The following HMGA1 variants were observed in gnomAD, a reference collection of about 807,000 sequenced individuals.
HMGA1 encodes high mobility group AT-hook 1.
In HMGA1, 1 loss-of-function variant was observed where a neutral mutation model predicts 15.1. The ratio of observed to expected loss-of-function variants is 0.07; its 90% CI spans 0.02 to 0.31. The LOEUF (loss-of-function observed/expected upper bound fraction) is 0.31, where lower values mean the gene tolerates loss of function less well. HMGA1 is among the 10% of genes least tolerant of loss of function. The pLI is 1.00. For missense variants in HMGA1, 94 were observed against 141.4 expected, an observed-to-expected ratio of 0.66 and a Z score of 1.70; for synonymous variants, 56 against 54.8, an observed-to-expected ratio of 1.02 and a Z score of -0.10.
At chr6:34,242,680 A>G (rs1028709257) in intron 3 of HMGA1, 32 bp from the exon 4 acceptor site, 1 of 1,464,660 alleles carries the variant, frequency 6.8e-7, no homozygotes, top group Non-Finnish European at 9.4e-7. Flanking sequence ...ACAGGTGATG[A>G]CTGTCCCTGA....
intron 2 of HMGA1, 196 bp from the exon 3 acceptor site, chr6:34,240,541 G>C (rs554857156): frequency 7.5e-6 from 4 of 534,758 alleles, no homozygotes; most frequent in Non-Finnish European, 1.3e-5. Context: ...ATAAGAAGCT[G>C]ATTAGGGCCA....
At chr6:34,243,637 C>T (rs769690686) in intron 5 of HMGA1, 119 bp downstream of exon 5, 12 of 869,944 alleles carry the variant, frequency 1.4e-5, no homozygotes, top group African/African-American at 3.3e-5. Flanking sequence ...CCTGCTGGGA[C>T]ATCAGATTTT....
At chr6:34,238,515 G>A (rs1239845602) in intron 2 of HMGA1, among the ~76,000 whole-genome samples, 1 of 152,194 alleles carries the variant, frequency 6.6e-6, no homozygotes, top group African/African-American at 2.4e-5. Context: ...AAGAAAACAA[G>A]GGAACCCCCA....
At position 34,245,196 on chromosome 6, in the gene HMGA1, C is replaced by T. The variant is rs1161566143; in HGVS notation, c.*312C>T. On this transcript the variant is annotated 3_prime_UTR_variant, in exon 6 of 6. Transcript: ENST00000311487. ...CCCACTTAGCCGCACCCTGCACCTG[C>T]TGCGTCCCCACTCCCTTGGTGGTGG... 7.0e-7 allele frequency: 1 copy of T among 1,419,326 alleles called. No individual in the cohort carries two copies. Among genetic ancestry groups the T allele is most frequent in the Non-Finnish European group, 9.3e-7 (1 of 1,072,124 alleles). 87.9% of individuals were successfully genotyped at this position (1,419,326 alleles called of 1,614,324 possible).
chr6:34,238,250 CCCCTCCCCCCGCGCG>C (rs1333913541), intron 2 of HMGA1, among the ~76,000 whole-genome samples: 1 of 152,012 alleles, frequency 6.6e-6, no homozygotes, highest in Non-Finnish European at 1.5e-5. Flanking sequence ...GCGGCCTGCG[CCCCTCCCCCCGCGCG>C]CCCTGGCCCC....
Position 34,245,779 on chromosome 6 carries a change from C to A in HMGA1, c.*895C>A. ...AACAAGGAGCTCACCCTGCCCGCTC[C>A]CAACCCCCCTCCTGCTCCTCCCTGC... On this transcript the variant is annotated 3_prime_UTR_variant, in exon 6 of 6. Transcript: ENST00000311487. 1 of 447,078 alleles carries A rather than the reference C, an allele frequency of 2.2e-6. No individual in the cohort carries two copies. The allele number at this position is 447,078 out of a possible 1,614,324, so 27.7% of individuals were successfully genotyped here. A position where few individuals can be genotyped will look rare whatever the true frequency, so the allele number is the denominator to read the frequency against.
chr6:34,244,179 G>C (rs1473101599), intron 5 of HMGA1, among the ~76,000 whole-genome samples: 1 of 151,956 alleles, frequency 6.6e-6, no homozygotes, highest in Non-Finnish European at 1.5e-5. Context: ...TGGGGTGGGG[G>C]GGTTAGGGGG....
intron 5 of HMGA1, among the ~76,000 whole-genome samples, 154 bp from the exon 6 acceptor site, chr6:34,244,677 G>A (rs1304776188): frequency 2.0e-5 from 3 of 152,038 alleles, no homozygotes; most frequent in Admixed American, 6.5e-5. Flanking sequence ...GAATGAAGCC[G>A]GGCCGTGGAG....
At chr6:34,241,575 C>G (rs1762313253) in intron 3 of HMGA1, among the ~76,000 whole-genome samples, 1 of 152,216 alleles carries the variant, frequency 6.6e-6, no homozygotes, top group South Asian at 2.1e-4. Flanking sequence ...GCTGCTCTCC[C>G]CACAAAGTCC....
intron 3 of HMGA1, among the ~76,000 whole-genome samples, chr6:34,241,468 T>C (rs1762303540): frequency 6.6e-6 from 1 of 152,260 alleles, no homozygotes; most frequent in South Asian, 2.1e-4. Flanking sequence ...TGAGTAGTTC[T>C]GGAATGGGCA....
At position 34,245,468 on chromosome 6, in the gene HMGA1, T is replaced by C. The variant is rs1262627439; in HGVS notation, c.*584T>C. The stretch of plus-strand genomic sequence containing the variant: ...GTCACCACGTGGGGCTCACTTTTCA[T>C]CCTTCCCCAACTTCCCTAGTCCCCG... On this transcript the variant is annotated 3_prime_UTR_variant, in exon 6 of 6. Coordinates refer to ENST00000311487, the MANE Select transcript of HMGA1 (RefSeq NM_145899.3). The C allele has an allele frequency of 7.3e-7, 1 of 1,378,346 alleles. No individual in the cohort carries two copies. Among genetic ancestry groups the C allele is most frequent in the South Asian group, 1.2e-5 (1 of 81,688 alleles). 85.4% of individuals were successfully genotyped at this position (1,378,346 alleles called of 1,614,324 possible). A position where few individuals can be genotyped will look rare whatever the true frequency, so the allele number is the denominator to read the frequency against.
chr6:34,244,715 C>T (rs1383664023), intron 5 of HMGA1, 116 bp from the exon 6 acceptor site: 1 of 833,176 alleles, frequency 1.2e-6, no homozygotes, highest in Non-Finnish European at 2.0e-6. Context: ...ACACTCAGCC[C>T]TGACTCATCC....
At position 34,245,243 on chromosome 6, in the gene HMGA1, T is replaced by C; in HGVS notation, c.*359T>C. 2 of 1,382,640 alleles carry C rather than the reference T, an allele frequency of 1.4e-6. No homozygotes were observed. The highest frequency in any genetic ancestry group is 1.9e-6 in the Non-Finnish European group (2 of 1,047,566). The allele number at this position is 1,382,640 out of a possible 1,614,324, so 85.6% of individuals were successfully genotyped here. Reference sequence around the variant, plus strand: ...GTGGGGACATTGCTCTCTGGGCTTTTGGTTTGGGGGCGCCCTCTCTGCTCC... The same window carrying C: ...GTGGGGACATTGCTCTCTGGGCTTTCGGTTTGGGGGCGCCCTCTCTGCTCC... On this transcript the variant is annotated 3_prime_UTR_variant, in exon 6 of 6. Coordinates refer to ENST00000311487, the MANE Select transcript of HMGA1 (RefSeq NM_145899.3).
chr6:34,237,651 C>T (rs1581787255), intron 2 of HMGA1, among the ~76,000 whole-genome samples: 1 of 146,580 alleles, frequency 6.8e-6, no homozygotes, highest in African/African-American at 2.5e-5. Flanking sequence ...CGGAGGAGCC[C>T]GGCGCACCTC....
chr6:34,242,802 C>T lies in HMGA1; in HGVS notation c.219+7C>T. On this transcript the variant is annotated splice_region_variant and intron_variant, in intron 4 of 5. Coordinates refer to ENST00000311487, the MANE Select transcript of HMGA1 (RefSeq NM_145899.3). Reference sequence around the variant, plus strand: ...GGGTGCTGCCAAGACCCGGGTGAGACTTGAGATGGGACTACCCCTGGGTGG... The same window carrying T: ...GGGTGCTGCCAAGACCCGGGTGAGATTTGAGATGGGACTACCCCTGGGTGG... The T allele has an allele frequency of 2.5e-6, 4 of 1,574,818 alleles. No individual in the cohort carries two copies. Among genetic ancestry groups the T allele is most frequent in the South Asian group, 1.2e-5 (1 of 86,630 alleles).
At chr6:34,237,699 C>T (rs1224421892) in intron 2 of HMGA1, among the ~76,000 whole-genome samples, 3 of 150,720 alleles carry the variant, frequency 2.0e-5, no homozygotes, top group African/African-American at 7.3e-5. Flanking sequence ...GAGCCCGAGC[C>T]CGAGCCCGGG....
rs890481557 is a variant in HMGA1, at chr6:34,236,903, C to T, written c.-219C>T. ...TAAGCTCCCCTGAGCCGGTGCTGCG[C>T]TCCTCTAATTGGGACTCCGAGCCGG... On this transcript the variant is annotated 5_prime_UTR_variant, in exon 1 of 6. Coordinates refer to ENST00000311487, the MANE Select transcript of HMGA1 (RefSeq NM_145899.3). 1 of 152,562 alleles carries T rather than the reference C, an allele frequency of 6.6e-6. No homozygotes were observed. The highest frequency in any genetic ancestry group is 1.5e-5 in the Non-Finnish European group (1 of 68,044). The allele number at this position is 152,562 out of a possible 1,614,324, so 9.5% of individuals were successfully genotyped here. A position where few individuals can be genotyped will look rare whatever the true frequency, so the allele number is the denominator to read the frequency against.
At position 34,245,756 on chromosome 6, in the gene HMGA1, CAA is replaced by C. The variant is rs1036709872; in HGVS notation, c.*873_*874del. 7.7e-6 allele frequency: 4 copies of C among 517,600 alleles called. No homozygotes were observed. The Admixed American group carries it at 1.5e-4, about 19-fold the overall frequency. The allele number at this position is 517,600 out of a possible 1,614,324, so 32.1% of individuals were successfully genotyped here. ...CCCTCCTCAGATGGGGCACCAATAA[CAA>C]GGAGCTCACCCTGCCCGCTCCCAAC... On this transcript the variant is annotated 3_prime_UTR_variant, in exon 6 of 6. Transcript: ENST00000311487.
rs73419174 is a variant in HMGA1 at position 34,245,775 on chromosome 6, G to A, written c.*891G>A. 5.4e-3 allele frequency: 2,441 copies of A among 451,756 alleles called. 38 individuals carry two copies. The highest frequency in any genetic ancestry group is 0.033 in the East Asian group (713 of 21,536). 28.0% of individuals were successfully genotyped at this position (451,756 alleles called of 1,614,324 possible). On this transcript the variant is annotated 3_prime_UTR_variant, in exon 6 of 6. Transcript: ENST00000311487. ...CAATAACAAGGAGCTCACCCTGCCCGCTCCCAACCCCCCTCCTGCTCCTCC... is the reference window on the plus strand; with the variant it reads ...CAATAACAAGGAGCTCACCCTGCCCACTCCCAACCCCCCTCCTGCTCCTCC...
Sources: gnomAD v4.1 joint callset for allele counts (sites outside exome capture counted in the v4.1 genomes callset) on GRCh38, gnomAD v4.1.1 for gene constraint, MANE v1.5 for transcripts, NCBI Gene and HGNC (gene_info 2026-07-23, HGNC 2026-07-21) for gene names.